The following ROR1 variants were observed in gnomAD, a reference collection of about 807,000 sequenced individuals.
The protein encoded by ROR1 is ROR family WNT receptor 1, also known as inactive tyrosine-protein kinase transmembrane receptor ROR1.
In ROR1, 19 loss-of-function variants were observed where a neutral mutation model predicts 78.8. The ratio of observed to expected loss-of-function variants is 0.24; its 90% CI spans 0.17 to 0.35. ROR1 has a LOEUF of 0.35. Ranked by LOEUF, ROR1 falls within the 10% of genes least tolerant of loss-of-function variation. The pLI is 1.00. For missense variants in ROR1, 917 were observed against 1,177.8 expected, an observed-to-expected ratio of 0.78 and a Z score of 3.24; for synonymous variants, 386 against 433.6, an observed-to-expected ratio of 0.89 and a Z score of 1.36.
intron 4 of ROR1, among the ~76,000 whole-genome samples, chr1:64,090,008 G>A (rs958292960): frequency 1.3e-5 from 2 of 152,034 alleles, no homozygotes; most frequent in Non-Finnish European, 2.9e-5. Context: ...CCTCTTGCCT[G>A]CCTCCATGTA....
intron 7 of ROR1, among the ~76,000 whole-genome samples, chr1:64,147,306 G>A (rs1649501912): frequency 1.3e-5 from 2 of 152,160 alleles, no homozygotes; most frequent in African/African-American, 4.8e-5. Flanking sequence ...CATGAGAGAT[G>A]AATTTAGATG....
intron 1 of ROR1, among the ~76,000 whole-genome samples, chr1:63,924,009 A>G (rs879560463): frequency 4.0e-5 from 6 of 151,704 alleles, no homozygotes; most frequent in Non-Finnish European, 8.8e-5. Flanking sequence ...AGCTCTAAAC[A>G]CGGGGTTCTT....
chr1:63,806,442 T>C (rs1428029595), intron 1 of ROR1, among the ~76,000 whole-genome samples: 2 of 151,500 alleles, frequency 1.3e-5, no homozygotes, highest in Non-Finnish European at 2.9e-5. Flanking sequence ...CACAGCCTCC[T>C]GAGTAGCTGG....
At position 63,854,569 on chromosome 1, in the gene ROR1, G is replaced by A. The variant is rs529174996; in HGVS notation, c.91+80061G>A. 7.9e-5 allele frequency among the ~76,000 whole-genome samples: 12 copies of A among 152,226 alleles called. No individual in the cohort carries two copies. In the South Asian group the frequency reaches 2.3e-3, roughly 29 times the overall value. On this transcript the variant is annotated intron_variant, in intron 1 of 8. Coordinates refer to ENST00000371079, the MANE Select transcript of ROR1 (RefSeq NM_005012.4). ...AACTGCCTCCTTCCTACAACAATCC[G>A]AACGTACTTCCATCACAGAGTATCT...
chr1:63,792,101 TG>T (rs1644730474), intron 1 of ROR1, among the ~76,000 whole-genome samples: 1 of 152,040 alleles, frequency 6.6e-6, no homozygotes, highest in East Asian at 1.9e-4. Context: ...TGCTGTCGCA[TG>T]GGGCAGTCTG....
chr1:63,774,315 C>G lies in ROR1; in HGVS notation c.-103C>G. 1.6e-6 allele frequency: 1 copy of G among 644,154 alleles called. No individual in the cohort carries two copies. The highest frequency in any genetic ancestry group is 2.3e-6 in the Non-Finnish European group (1 of 438,242). 39.9% of individuals were successfully genotyped at this position (644,154 alleles called of 1,614,324 possible). A position where few individuals can be genotyped will look rare whatever the true frequency, so the allele number is the denominator to read the frequency against. On this transcript the variant is annotated 5_prime_UTR_variant, in exon 1 of 9. Coordinates refer to ENST00000371079, the MANE Select transcript of ROR1 (RefSeq NM_005012.4). This position sits in a 1 kb window ranked among gnomAD's most constrained non-coding sequence, Gnocchi z 5.7. ...GCAGACGTCCCCGGCGTCCTGCGAG[C>G]GCCAGCGGCCGGGACGAGGCGGCCG...
At chr1:64,073,088 A>G (rs563221498) in intron 4 of ROR1, among the ~76,000 whole-genome samples, 9 of 152,344 alleles carry the variant, frequency 5.9e-5, no homozygotes, top group East Asian at 3.9e-4. Context: ...ATGCAGAAGC[A>G]TTGAAATTCC....
At chr1:64,022,153 C>T (rs750220307) in intron 2 of ROR1, among the ~76,000 whole-genome samples, 10 of 152,078 alleles carry the variant, frequency 6.6e-5, no homozygotes, top group Non-Finnish European at 1.0e-4. Context: ...TAAAAGGTCA[C>T]GTGTATGATT....
intron 8 of ROR1, among the ~76,000 whole-genome samples, chr1:64,173,120 C>T (rs1044103083): frequency 6.6e-6 from 1 of 152,206 alleles, no homozygotes; most frequent in Non-Finnish European, 1.5e-5. Flanking sequence ...AATTGTTCCC[C>T]TGAAACCAAG....
At chr1:64,011,309 A>C (rs931147472) in intron 2 of ROR1, among the ~76,000 whole-genome samples, 7 of 152,240 alleles carry the variant, frequency 4.6e-5, no homozygotes, top group Non-Finnish European at 1.0e-4. Context: ...AATATGTTTA[A>C]TGGAAAAGAA....
chr1:63,963,021 C>T (rs1281675429), intron 1 of ROR1, among the ~76,000 whole-genome samples: 3 of 151,996 alleles, frequency 2.0e-5, no homozygotes, highest in African/African-American at 7.3e-5. Context: ...CCTTCTTGTT[C>T]GGGTTGGTTG....
chr1:64,010,330 A>T (rs1646465589), intron 2 of ROR1, among the ~76,000 whole-genome samples: 1 of 150,448 alleles, frequency 6.6e-6, no homozygotes, highest in African/African-American at 2.4e-5. Context: ...CTCACCCTTA[A>T]GCTTAGAAGT....
chr1:63,971,740 T>C (rs1646121110), intron 1 of ROR1, among the ~76,000 whole-genome samples: 1 of 152,196 alleles, frequency 6.6e-6, no homozygotes, highest in Non-Finnish European at 1.5e-5. Context: ...TGGAATGGTC[T>C]GTCTGGCAGT....
chr1:63,868,139 G>A (rs1325732041), intron 1 of ROR1, among the ~76,000 whole-genome samples: 1 of 148,294 alleles, frequency 6.7e-6, no homozygotes, highest in African/African-American at 2.6e-5. Context: ...TTTTGTTGTT[G>A]TTGTTGTTGT....
chr1:63,816,109 C>G (rs554863263), intron 1 of ROR1, among the ~76,000 whole-genome samples: 1 of 152,136 alleles, frequency 6.6e-6, no homozygotes, highest in Non-Finnish European at 1.5e-5. Flanking sequence ...CACTGGTGGC[C>G]GCTAGACAGT....
intron 1 of ROR1, among the ~76,000 whole-genome samples, chr1:63,902,582 C>A (rs928307269): frequency 5.9e-5 from 9 of 152,148 alleles, no homozygotes; most frequent in African/African-American, 1.9e-4. Context: ...CCTCAGCCCC[C>A]CAAAGTGCTG....
intron 1 of ROR1, among the ~76,000 whole-genome samples, chr1:63,870,692 C>G (rs977493217): frequency 6.6e-6 from 1 of 152,154 alleles, no homozygotes; most frequent in African/African-American, 2.4e-5. Flanking sequence ...TGTCATCTGC[C>G]TGTCATTCTC....
At chr1:63,859,888 T>C (rs183613948) in intron 1 of ROR1, among the ~76,000 whole-genome samples, 1 of 152,334 alleles carries the variant, frequency 6.6e-6, no homozygotes, top group East Asian at 1.9e-4. Flanking sequence ...AATTAGGCCC[T>C]GGGCTAAGTT....
At chr1:64,026,816 T>C (rs1646614822) in intron 2 of ROR1, among the ~76,000 whole-genome samples, 1 of 152,186 alleles carries the variant, frequency 6.6e-6, no homozygotes, top group African/African-American at 2.4e-5. Context: ...ACCTCTCCCA[T>C]GATCCAATCA....
Sources: allele counts gnomAD v4.1 joint callset (sites outside exome capture counted in the v4.1 genomes callset), GRCh38; gene constraint gnomAD v4.1.1; non-coding constraint Gnocchi (gnomAD v3.1); transcripts MANE v1.5; gene names NCBI Gene and HGNC (gene_info 2026-07-23, HGNC 2026-07-21).